The following DLK1 variants were observed in gnomAD, a reference collection of about 807,000 sequenced individuals.
DLK1 encodes the protein delta like non-canonical Notch ligand 1.
Under a neutral mutation model 35.2 loss-of-function variants are expected in DLK1, and 9 were observed. That is an observed-to-expected ratio of 0.26 (90% CI 0.15 to 0.45). DLK1 has a LOEUF of 0.45. Ranked by LOEUF, DLK1 falls within the 20% of genes least tolerant of loss-of-function variation. The pLI is 1.00. For synonymous variants in DLK1, 231 were observed against 228.4 expected (o/e 1.01, Z -0.10); for missense variants, 522 against 528.5 (o/e 0.99, Z 0.12).
In DLK1 at chr14:100,726,911, C is replaced by T. The variant is rs1170184998; in HGVS notation, c.-158C>T. On this transcript the variant is annotated 5_prime_UTR_variant, in exon 1 of 5. Transcript: ENST00000341267. The surrounding 1 kb of genome is among the most constrained non-coding windows in gnomAD (Gnocchi z 4.2). ...GGCGGCGGCAGCTCCCCGGCAGCGG[C>T]GGTGGAGAGCGCAGCGCGCAGCCCG... The T allele has an allele frequency of 2.9e-5, 16 of 556,932 alleles. No homozygotes were observed. The highest frequency in any genetic ancestry group is 4.2e-5 in the Non-Finnish European group (16 of 385,340). The allele number at this position is 556,932 out of a possible 1,614,324, so 34.5% of individuals were successfully genotyped here.
chr14:100,730,458 TC>T (rs112105225), intron 3 of DLK1, among the ~76,000 whole-genome samples: 15 of 152,054 alleles, frequency 9.9e-5, no homozygotes, highest in African/African-American at 3.1e-4. Flanking sequence ...GAGTCTGGGG[TC>T]CCAGAGAAGA....
chr14:100,728,784 C>T, intron 2 of DLK1, 152 bp from the exon 3 acceptor site: 10 of 1,063,592 alleles, frequency 9.4e-6, no homozygotes, highest in Non-Finnish European at 1.4e-5. Context: ...TAAGTTTTCC[C>T]ATTCAGGTGG....
Position 100,732,088 on chromosome 14 carries a change from C to T in DLK1, c.309C>T (p.Cys103=), listed in dbSNP as rs776829791. 1.4e-5 allele frequency: 23 copies of T among 1,613,802 alleles called. 1 individual carries two copies. The highest frequency in any genetic ancestry group is 1.0e-4 in the Admixed American group (6 of 59,996). ...SSAPCANNRT[C]VSLDDGLYEC... The stretch of plus-strand genomic sequence containing the variant: ...CCCCCTGTGCCAACAACAGGACCTG[C>T]GTGAGCCTGGACGATGGCCTCTATG... Residue 103 remains cysteine, a synonymous_variant, in exon 4 of 5, where the codon TGC becomes TGT. Transcript: ENST00000341267.
chr14:100,735,327 G>A lies in DLK1; in HGVS notation c.*431G>A, dbSNP rs749216989. 1.3e-5 allele frequency: 2 copies of A among 157,304 alleles called. No individual in the cohort carries two copies. Among genetic ancestry groups the A allele is most frequent in the East Asian group, 1.9e-4 (1 of 5,308 alleles). 9.7% of individuals were successfully genotyped at this position (157,304 alleles called of 1,614,324 possible). On this transcript the variant is annotated 3_prime_UTR_variant, in exon 5 of 5. Transcript: ENST00000341267. Reference sequence around the variant, plus strand: ...CAAAGAGCTACGATTGCTTTCGTTCGTTAATTCTCACACACCACATCCGAC... The same window carrying A: ...CAAAGAGCTACGATTGCTTTCGTTCATTAATTCTCACACACCACATCCGAC...
Position 100,730,015 on chromosome 14 carries a change from G to A in DLK1, c.262+949G>A, listed in dbSNP as rs923049234. On this transcript the variant is annotated intron_variant, in intron 3 of 4. Transcript: ENST00000341267. ...AGAAAGAGAGTTAATTTTTATCTTC[G>A]ATTGCATCTAACATCCTTCCTTAAG... is the stretch of plus-strand genomic sequence containing the variant. 4.6e-5 allele frequency among the ~76,000 whole-genome samples: 7 copies of A among 152,222 alleles called. No individual in the cohort carries two copies. In the South Asian group the frequency reaches 8.3e-4, roughly 18 times the overall value.
At chr14:100,732,466 C>T (rs570747245) in intron 4 of DLK1, among the ~76,000 whole-genome samples, 11 of 152,318 alleles carry the variant, frequency 7.2e-5, no homozygotes, top group East Asian at 1.9e-4. Context: ...AACTGACACT[C>T]GGAGCTGCGT....
Position 100,734,045 on chromosome 14 carries a change from G to A in DLK1, c.405-104G>A. 7.0e-7 allele frequency: 1 copy of A among 1,421,616 alleles called. No individual in the cohort carries two copies. Among genetic ancestry groups the A allele is most frequent in the African/African-American group, 1.4e-5 (1 of 69,594 alleles). 88.1% of individuals were successfully genotyped at this position (1,421,616 alleles called of 1,614,324 possible). ...TTCACCTGATGTGTTTTAAGCACCT[G>A]CCCCTTAGTCAGGCCAGGGACCTTC... On this transcript the variant is annotated intron_variant, in intron 4 of 4. Transcript: ENST00000341267. The surrounding 1 kb of genome is among the most constrained non-coding windows in gnomAD (Gnocchi z 7.4).
rs876374 is a variant in DLK1, at chr14:100,737,866, C to A, written c.*2970C>A. On this transcript the variant is annotated 3_prime_UTR_variant, in exon 5 of 5. Coordinates refer to ENST00000341267, the MANE Select transcript of DLK1 (RefSeq NM_003836.7). ...ACCACTCGCACTACCCCCCCCGTGC[C>A]ACAGAAGCAGTGTCAGCAGCCTCGC... 56,988 of 152,018 alleles carry A rather than the reference C, an allele frequency of 0.37. 11,989 individuals carry two copies. Among genetic ancestry groups the A allele is most frequent in the Non-Finnish European group, 0.49 (33,265 of 67,958 alleles). The allele number at this position is 152,018 out of a possible 1,614,324, so 9.4% of individuals were successfully genotyped here. A position where few individuals can be genotyped will look rare whatever the true frequency, so the allele number is the denominator to read the frequency against.
chr14:100,727,121 G>T lies in DLK1; in HGVS notation c.53G>T (p.Gly18Val). 1 of 1,593,952 alleles carries T rather than the reference G, an allele frequency of 6.3e-7. No homozygotes were observed. ...GTCCTCTTGCTCCTGCTGGCTTTCG[G>T]CCACAGCACCTATGGTGAGTTCCCC... ...LRVLLLLLAFGHSTYGAECFP... is the reference protein window; with the variant it reads ...LRVLLLLLAFVHSTYGAECFP... The change falls in exon 1 of 5, where the codon GGC becomes GTC. Residue 18 changes from glycine to valine, a missense_variant. Gly to Val is a moderately radical substitution (Grantham distance 109). Coordinates refer to ENST00000341267, the MANE Select transcript of DLK1 (RefSeq NM_003836.7).
intron 1 of DLK1, 125 bp downstream of exon 1, chr14:100,727,260 G>GC (rs1287625872): frequency 9.9e-7 from 1 of 1,014,296 alleles, no homozygotes; most frequent in Non-Finnish European, 1.3e-6. Context: ...CTAGCCCTAA[G>GC]CCCCGCGCTG....
At position 100,735,143 on chromosome 14, in the gene DLK1, T is replaced by A. The variant is rs547835466; in HGVS notation, c.*247T>A. On this transcript the variant is annotated 3_prime_UTR_variant, in exon 5 of 5. Transcript: ENST00000341267. ...TTTAAATGAGTAAGAGAAATAAGTA[T>A]GTTATTCTAAAATCTAAACTCAAAT... 23 of 392,078 alleles carry A rather than the reference T, an allele frequency of 5.9e-5. No individual in the cohort carries two copies. The South Asian group carries it at 2.6e-3, about 44-fold the overall frequency. The allele number at this position is 392,078 out of a possible 1,614,324, so 24.3% of individuals were successfully genotyped here.
Position 100,734,389 on chromosome 14 carries a change from C to T in DLK1, c.645C>T (p.Ser215=), listed in dbSNP as rs781602665. The T allele has an allele frequency of 6.2e-7, 1 of 1,611,784 alleles. No homozygotes were observed. The highest frequency in any genetic ancestry group is 1.1e-5 in the South Asian group (1 of 90,988). The change falls in exon 5 of 5, where the codon AGC becomes AGT. Residue 215 remains serine, a synonymous_variant. Transcript: ENST00000341267. The surrounding 1 kb of genome is among the most constrained non-coding windows in gnomAD (Gnocchi z 7.4). The stretch of plus-strand genomic sequence containing the variant: ...GCCCGGTGACCAACTGCGCCAGCAG[C>T]CCGTGCCAGAACGGGGGCACCTGCC... ...CSRPVTNCAS[S]PCQNGGTCLQ... is the part of the protein sequence containing the mutation.
chr14:100,728,420 A>G lies in DLK1; in HGVS notation c.92A>G (p.Asn31Ser). The change falls in exon 2 of 5, where the codon AAC (asparagine) becomes AGC (serine). Residue 31 changes from asparagine to serine, a missense_variant. Physicochemically the swap from Asn to Ser is conservative, Grantham distance 46. Transcript: ENST00000341267. The stretch of plus-strand genomic sequence containing the variant: ...GGGGCTGAATGCTTCCCGGCCTGCA[A>G]CCCCCAAAATGGATTCTGCGAGGAT... ...TYGAECFPAC[N>S]PQNGFCEDDN... 1.2e-6 allele frequency: 2 copies of G among 1,613,494 alleles called. No individual in the cohort carries two copies. The highest frequency in any genetic ancestry group is 1.1e-5 in the South Asian group (1 of 91,048).
intron 1 of DLK1, among the ~76,000 whole-genome samples, chr14:100,728,077 C>A (rs902582580): frequency 1.8e-4 from 28 of 152,260 alleles, no homozygotes; most frequent in African/African-American, 6.0e-4. Context: ...CCACGGTCCC[C>A]GTCCCCGCTG....
intron 3 of DLK1, among the ~76,000 whole-genome samples, chr14:100,730,441 G>A (rs2036494388): frequency 6.6e-6 from 1 of 152,218 alleles, no homozygotes; most frequent in Admixed American, 6.5e-5. Flanking sequence ...GCTTGGGGAT[G>A]GCCAGAGAGT....
rs748780332 is a variant in DLK1 at position 100,734,397 on chromosome 14, A to T, written c.653A>T (p.Gln218Leu). The change falls in exon 5 of 5, where the codon CAG becomes CTG. Residue 218 changes from glutamine (Q) to leucine (L), a missense_variant. By Grantham distance (113) the Gln-to-Leu change is moderately radical (BLOSUM62 -2). Coordinates refer to ENST00000341267, the MANE Select transcript of DLK1 (RefSeq NM_003836.7). This position sits in a 1 kb window ranked among gnomAD's most constrained non-coding sequence, Gnocchi z 7.4. ...ACCAACTGCGCCAGCAGCCCGTGCCAGAACGGGGGCACCTGCCTGCAGCAC... is the reference window on the plus strand; with the variant it reads ...ACCAACTGCGCCAGCAGCCCGTGCCTGAACGGGGGCACCTGCCTGCAGCAC... ...PVTNCASSPC[Q>L]NGGTCLQHTQ... is the part of the protein sequence containing the mutation. 9.3e-6 allele frequency: 15 copies of T among 1,611,650 alleles called. No homozygotes were observed. The highest frequency in any genetic ancestry group is 8.5e-7 in the Non-Finnish European group (1 of 1,179,080).
intron 4 of DLK1, among the ~76,000 whole-genome samples, chr14:100,732,898 C>G (rs1380250011): frequency 6.6e-6 from 1 of 152,162 alleles, no homozygotes; most frequent in Non-Finnish European, 1.5e-5. Context: ...AGGCAGGGTC[C>G]GAATGTAAGA....
chr14:100,734,011 G>A lies in DLK1; in HGVS notation c.405-138G>A, dbSNP rs1203724453. 6 of 1,127,652 alleles carry A rather than the reference G, an allele frequency of 5.3e-6. No individual in the cohort carries two copies. Among genetic ancestry groups the A allele is most frequent in the Admixed American group, 3.7e-5 (1 of 27,080 alleles). The allele number at this position is 1,127,652 out of a possible 1,614,324, so 69.9% of individuals were successfully genotyped here. On this transcript the variant is annotated intron_variant, in intron 4 of 4. Coordinates refer to ENST00000341267, the MANE Select transcript of DLK1 (RefSeq NM_003836.7). This position sits in a 1 kb window ranked among gnomAD's most constrained non-coding sequence, Gnocchi z 7.4. ...CTCCCTGGCTGGCGTTCCCTCCCTC[G>A]CTCCCTCATTCACCTGATGTGTTTT...
At chr14:100,728,904 A>G in intron 2 of DLK1, 32 bp from the exon 3 acceptor site, 1 of 1,609,826 alleles carries the variant, frequency 6.2e-7, no homozygotes, top group Non-Finnish European at 8.5e-7. Flanking sequence ...CCCTCTTCAT[A>G]TGTCCCCACC....
Sources: allele counts gnomAD v4.1 joint callset (sites outside exome capture counted in the v4.1 genomes callset), GRCh38; gene constraint gnomAD v4.1.1; non-coding constraint Gnocchi (gnomAD v3.1); transcripts MANE v1.5; gene names NCBI Gene and HGNC (gene_info 2026-07-23, HGNC 2026-07-21).